Variants in OXR1 observed in about 807,000 individuals in gnomAD.
OXR1 encodes oxidation resistance 1.
A neutral mutation model predicts 104.6 loss-of-function variants in OXR1; 41 were observed. The ratio of observed to expected loss-of-function variants is 0.39; its 90% CI spans 0.31 to 0.51. The LOEUF (loss-of-function observed/expected upper bound fraction) is 0.51, where lower values mean the gene tolerates loss of function less well. Among genes scored for constraint, OXR1 ranks in the 20% least tolerant of loss-of-function variants. OXR1 has a pLI of 0.77. For synonymous variants in OXR1, 348 were observed against 348.4 expected (o/e 1.00, Z 0.01); for missense variants, 955 against 1,031.9 (o/e 0.93, Z 1.02).
intron 1 of OXR1, among the ~76,000 whole-genome samples, chr8:106,353,386 T>A (rs897237319): frequency 6.6e-6 from 1 of 150,474 alleles, no homozygotes; most frequent in Non-Finnish European, 1.5e-5. Flanking sequence ...ATAATAATAA[T>A]AATAATTTAA....
chr8:106,367,555 T>G (rs2130364673), intron 2 of OXR1, among the ~76,000 whole-genome samples: 1 of 152,294 alleles, frequency 6.6e-6, no homozygotes. Context: ...CATTTCTTTA[T>G]TCAACAAATT....
At chr8:106,302,583 C>T (rs1813286088) in intron 1 of OXR1, among the ~76,000 whole-genome samples, 1 of 80,436 alleles carries the variant, frequency 1.2e-5, no homozygotes, top group African/African-American at 9.1e-5. Flanking sequence ...AAGATGCTGT[C>T]TCAAAAAAAA....
At chr8:106,392,713 A>G (rs1817631726) in intron 2 of OXR1, among the ~76,000 whole-genome samples, 1 of 152,174 alleles carries the variant, frequency 6.6e-6, no homozygotes, top group South Asian at 2.1e-4. Flanking sequence ...CCTGTAACCT[A>G]GTTATCACCC....
intron 3 of OXR1, among the ~76,000 whole-genome samples, chr8:106,623,534 A>C (rs2130857081): frequency 6.6e-6 from 1 of 152,232 alleles, no homozygotes; most frequent in African/African-American, 2.4e-5. Context: ...CAAACTCTAA[A>C]TTGGAATTCA....
chr8:106,660,245 T>TA (rs28921381), intron 3 of OXR1, among the ~76,000 whole-genome samples: 4,283 of 152,324 alleles, frequency 0.028, 208 homozygotes, highest in African/African-American at 0.099. Flanking sequence ...TGTTTCCAGC[T>TA]AGCCTTTGTT....
intron 2 of OXR1, among the ~76,000 whole-genome samples, chr8:106,362,569 A>T (rs964259095): frequency 6.6e-6 from 1 of 152,186 alleles, no homozygotes; most frequent in African/African-American, 2.4e-5. Context: ...TAATCTAGGA[A>T]ACTTCCAAGT....
chr8:106,621,948 C>T (rs1019846991), intron 3 of OXR1, among the ~76,000 whole-genome samples: 2 of 152,172 alleles, frequency 1.3e-5, no homozygotes, highest in African/African-American at 2.4e-5. Context: ...ACAACAAACA[C>T]ATCAGACCCA....
At chr8:106,420,730 TTGTGTG>T (rs6150748) in intron 2 of OXR1, among the ~76,000 whole-genome samples, 10 of 147,174 alleles carry the variant, frequency 6.8e-5, no homozygotes, top group Non-Finnish European at 7.5e-5. Context: ...CATTAAAATA[TTGTGTG>T]TGTGTGTGTG....
chr8:106,445,689 T>C (rs146644755), intron 2 of OXR1, among the ~76,000 whole-genome samples: 2 of 152,322 alleles, frequency 1.3e-5, no homozygotes, highest in Non-Finnish European at 2.9e-5. Context: ...TATGTGAATG[T>C]AAATGTTAGG....
chr8:106,397,933 A>G (rs924816463), intron 2 of OXR1, among the ~76,000 whole-genome samples: 1 of 152,134 alleles, frequency 6.6e-6, no homozygotes, highest in African/African-American at 2.4e-5. Flanking sequence ...AGGCTGAGGC[A>G]GAATCTCTTT....
intron 2 of OXR1, among the ~76,000 whole-genome samples, chr8:106,383,029 G>A (rs1223388925): frequency 6.6e-6 from 1 of 151,902 alleles, no homozygotes; most frequent in Non-Finnish European, 1.5e-5. Flanking sequence ...GGAAAGGTAG[G>A]AAGGAAGTGG....
At chr8:106,707,270 G>A (rs1831237068) in intron 9 of OXR1, 125 bp downstream of exon 9, 2 of 790,098 alleles carry the variant, frequency 2.5e-6, no homozygotes. Context: ...CCCTTGACCG[G>A]TGATTCTCTG....
chr8:106,664,878 G>C (rs1448816049), intron 3 of OXR1, among the ~76,000 whole-genome samples: 1 of 152,184 alleles, frequency 6.6e-6, no homozygotes, highest in Non-Finnish European at 1.5e-5. Flanking sequence ...GTTTGTGGAA[G>C]TTGCACCTTT....
intron 2 of OXR1, among the ~76,000 whole-genome samples, chr8:106,409,085 G>C (rs763848690): frequency 6.6e-6 from 1 of 151,980 alleles, no homozygotes; most frequent in African/African-American, 2.4e-5. Flanking sequence ...TCTCCCCTGG[G>C]GCTCTGCAGA....
intron 2 of OXR1, among the ~76,000 whole-genome samples, chr8:106,371,333 T>C (rs1816698726): frequency 6.6e-6 from 1 of 151,914 alleles, no homozygotes; most frequent in Non-Finnish European, 1.5e-5. Flanking sequence ...GTTAGTTTTT[T>C]CAAAAAAAAA....
intron 3 of OXR1, among the ~76,000 whole-genome samples, chr8:106,569,944 G>T (rs1296521798): frequency 1.3e-5 from 2 of 152,088 alleles, no homozygotes; most frequent in Non-Finnish European, 2.9e-5. Context: ...TATATCTCTA[G>T]GTGCAAATGC....
Position 106,506,947 on chromosome 8 carries a change from G to A in OXR1, c.24-11996G>A, listed in dbSNP as rs576072467. 3.0e-4 allele frequency among the ~76,000 whole-genome samples: 46 copies of A among 151,924 alleles called. No individual in the cohort carries two copies. The South Asian group carries it at 9.4e-3, about 31-fold the overall frequency. On this transcript the variant is annotated intron_variant, in intron 2 of 16. Coordinates refer to ENST00000517566, the MANE Select transcript of OXR1 (RefSeq NM_001198533.2). ...GTCTTCCAGAAAAAAAAAAAAGTTG[G>A]GCACAGTGGTGTGCCCCTGTAGTCC... is the stretch of plus-strand genomic sequence containing the variant.
At chr8:106,342,245 CTTTTTTCTTTTT>C (rs1815283356) in intron 1 of OXR1, among the ~76,000 whole-genome samples, 1 of 148,808 alleles carries the variant, frequency 6.7e-6, no homozygotes, top group Admixed American at 6.7e-5. Flanking sequence ...CTTTTCTTTT[CTTTTTTCTTTTT>C]TTTTTTTTCT....
chr8:106,502,207 C>A (rs1811858659), intron 2 of OXR1, among the ~76,000 whole-genome samples: 1 of 152,190 alleles, frequency 6.6e-6, no homozygotes, highest in South Asian at 2.1e-4. Flanking sequence ...AGGCTTCACA[C>A]TTGGTTTAAT....
Sources: gnomAD v4.1 joint callset for allele counts (sites outside exome capture counted in the v4.1 genomes callset) on GRCh38, gnomAD v4.1.1 for gene constraint, MANE v1.5 for transcripts, NCBI Gene and HGNC (gene_info 2026-07-23, HGNC 2026-07-21) for gene names.